The following CRPPA variants were observed in gnomAD, a reference collection of about 807,000 sequenced individuals.
CRPPA encodes D-ribitol-5-phosphate cytidylyltransferase.
Under a neutral mutation model 52.0 loss-of-function variants are expected in CRPPA, and 43 were observed. The ratio of observed to expected loss-of-function variants is 0.83; its 90% CI spans 0.65 to 1.07. The LOEUF is 1.07. Among genes scored for constraint, CRPPA ranks in the 50% least tolerant of loss-of-function variants. The pLI is 0.00. For missense variants in CRPPA, 629 were observed against 551.7 expected, an observed-to-expected ratio of 1.14 and a Z score of -1.40; for synonymous variants, 250 against 203.5, an observed-to-expected ratio of 1.23 and a Z score of -1.94.
chr7:16,403,864 T>C (rs895899058), intron 2 of CRPPA, among the ~76,000 whole-genome samples: 33 of 152,248 alleles, frequency 2.2e-4, no homozygotes, highest in East Asian at 7.7e-4. Context: ...GCTGCTCTTT[T>C]ACAGCTTTCA....
chr7:16,375,868 G>A (rs1786866649), intron 3 of CRPPA, among the ~76,000 whole-genome samples: 2 of 152,102 alleles, frequency 1.3e-5, no homozygotes, highest in South Asian at 4.1e-4. Flanking sequence ...TTCAGGAGAG[G>A]GAGGGAAAAG....
intron 3 of CRPPA, among the ~76,000 whole-genome samples, chr7:16,322,075 T>C (rs924284143): frequency 5.9e-5 from 9 of 152,166 alleles, no homozygotes; most frequent in Non-Finnish European, 1.3e-4. Flanking sequence ...AAATGCGAGA[T>C]AATACATTCC....
chr7:16,145,758 A>G (rs1220265067), intron 9 of CRPPA, among the ~76,000 whole-genome samples: 2 of 152,140 alleles, frequency 1.3e-5, no homozygotes, highest in Non-Finnish European at 2.9e-5. Context: ...AAGACAAGTC[A>G]TTTAAAATTA....
intron 3 of CRPPA, among the ~76,000 whole-genome samples, chr7:16,320,062 T>G (rs964405676): frequency 3.3e-5 from 5 of 152,168 alleles, no homozygotes; most frequent in African/African-American, 1.2e-4. Context: ...ACTAATTCAC[T>G]TGTTTTCCAG....
intron 3 of CRPPA, among the ~76,000 whole-genome samples, chr7:16,364,873 A>C (rs577196093): frequency 6.6e-6 from 1 of 152,322 alleles, no homozygotes; most frequent in Admixed American, 6.5e-5. Context: ...TGTCTCCCAG[A>C]CTGTGAGAGA....
chr7:16,403,615 A>C (rs74346272), intron 2 of CRPPA, among the ~76,000 whole-genome samples: 63 of 152,188 alleles, frequency 4.1e-4, no homozygotes, highest in Non-Finnish European at 7.2e-4. Context: ...AATGAGTTAA[A>C]AGCAGGCCTG....
intron 9 of CRPPA, among the ~76,000 whole-genome samples, chr7:16,188,470 A>G (rs1781548046): frequency 1.3e-5 from 2 of 152,204 alleles, no homozygotes; most frequent in Admixed American, 1.3e-4. Flanking sequence ...TAAACAATGC[A>G]TCACATAGTA....
chr7:16,305,867 C>A (rs906279808), intron 4 of CRPPA, among the ~76,000 whole-genome samples: 1 of 152,132 alleles, frequency 6.6e-6, no homozygotes, highest in Non-Finnish European at 1.5e-5. Flanking sequence ...GATGACAGAG[C>A]AAGACTCCGT....
intron 9 of CRPPA, among the ~76,000 whole-genome samples, chr7:16,164,560 A>G (rs4721477): frequency 0.83 from 126,185 of 152,040 alleles, 52,878 homozygotes; most frequent in Admixed American, 0.89. Flanking sequence ...CTGGCGAGGA[A>G]TTGTGATCCT....
chr7:16,203,927 T>C (rs1352183933), intron 9 of CRPPA, among the ~76,000 whole-genome samples: 1 of 152,086 alleles, frequency 6.6e-6, no homozygotes, highest in Non-Finnish European at 1.5e-5. Flanking sequence ...TAGCAACAAA[T>C]CTACATAAAG....
intron 9 of CRPPA, among the ~76,000 whole-genome samples, chr7:16,116,932 A>G (rs1782387409): frequency 6.6e-6 from 1 of 152,190 alleles, no homozygotes; most frequent in Non-Finnish European, 1.5e-5. Flanking sequence ...AATCTGGCTG[A>G]AAGTCTTTAT....
intron 4 of CRPPA, among the ~76,000 whole-genome samples, chr7:16,307,672 T>C (rs934813197): frequency 2.1e-5 from 1 of 48,710 alleles, no homozygotes; most frequent in African/African-American, 1.1e-4. Flanking sequence ...TGAAACTCTG[T>C]CAAAAAAAAA....
intron 9 of CRPPA, among the ~76,000 whole-genome samples, chr7:16,196,487 G>T (rs559521671): frequency 6.6e-6 from 1 of 152,114 alleles, no homozygotes; most frequent in Non-Finnish European, 1.5e-5. Context: ...TATACAATCA[G>T]AAATAGTGAG....
chr7:16,377,346 C>G (rs901746961), intron 2 of CRPPA, among the ~76,000 whole-genome samples: 1 of 152,280 alleles, frequency 6.6e-6, no homozygotes, highest in African/African-American at 2.4e-5. Flanking sequence ...CAGTACCTAT[C>G]AGTAGAGCTA....
intron 3 of CRPPA, among the ~76,000 whole-genome samples, chr7:16,332,583 T>C (rs978539118): frequency 4.4e-4 from 67 of 152,252 alleles, no homozygotes; most frequent in African/African-American, 1.5e-3. Context: ...TATTTGAAAA[T>C]AGAATTAGTT....
At chr7:16,364,646 C>T (rs765298618) in intron 3 of CRPPA, among the ~76,000 whole-genome samples, 1 of 152,162 alleles carries the variant, frequency 6.6e-6, no homozygotes, top group Non-Finnish European at 1.5e-5. Context: ...CATTATCTGC[C>T]ATGTAATCAA....
At chr7:16,250,776 A>G (rs181371340) in intron 8 of CRPPA, among the ~76,000 whole-genome samples, 1 of 152,336 alleles carries the variant, frequency 6.6e-6, no homozygotes, top group African/African-American at 2.4e-5. Context: ...AAAACATGCC[A>G]AATTGTAAAG....
chr7:16,398,984 G>A (rs376516654), intron 2 of CRPPA, among the ~76,000 whole-genome samples: 16 of 152,324 alleles, frequency 1.1e-4, no homozygotes, highest in South Asian at 6.2e-4. Context: ...GCCCATGGCC[G>A]GAATGTGATT....
intron 9 of CRPPA, among the ~76,000 whole-genome samples, chr7:16,110,486 C>G (rs1010990518): frequency 4.6e-5 from 7 of 151,884 alleles, no homozygotes; most frequent in African/African-American, 1.7e-4. Context: ...CGAAAAGAGC[C>G]AAGCTGAAGG....
Sources: allele counts gnomAD v4.1 joint callset (sites outside exome capture counted in the v4.1 genomes callset), GRCh38; gene constraint gnomAD v4.1.1; transcripts MANE v1.5; gene names NCBI Gene and HGNC (gene_info 2026-07-23, HGNC 2026-07-21).